Variants in KCTD15 observed in about 807,000 individuals in gnomAD.
KCTD15 encodes the protein potassium channel tetramerization domain containing 15.
A neutral mutation model predicts 27.2 loss-of-function variants in KCTD15; 11 were observed. The ratio of observed to expected loss-of-function variants is 0.41; its 90% CI spans 0.25 to 0.67. KCTD15 has a LOEUF of 0.67. Among genes scored for constraint, KCTD15 ranks in the 30% least tolerant of loss-of-function variants. The pLI is 0.35. For synonymous variants in KCTD15, 163 were observed against 176.0 expected, an observed-to-expected ratio of 0.93 and a Z score of 0.58; for missense variants, 350 against 409.3, an observed-to-expected ratio of 0.86 and a Z score of 1.25.
In KCTD15 at chr19:33,813,045, G is replaced by C; in HGVS notation, c.*97G>C. The C allele has an allele frequency of 1.5e-6, 2 of 1,307,674 alleles. No homozygotes were observed. Among genetic ancestry groups the C allele is most frequent in the South Asian group, 1.3e-5 (1 of 77,600 alleles). 81.0% of individuals were successfully genotyped at this position (1,307,674 alleles called of 1,614,324 possible). ...ACTTGGCCGTGGGCATGAGACCGAG[G>C]GTGAGGCTGGAGGGTCCAAAGCTGG... On this transcript the variant is annotated 3_prime_UTR_variant, in exon 7 of 7. Transcript: ENST00000683859.
rs1362544555 is a variant in KCTD15 at position 33,800,496 on chromosome 19, C to T, written c.42C>T (p.His14=). 1.2e-6 allele frequency: 2 copies of T among 1,603,556 alleles called. No homozygotes were observed. The highest frequency in any genetic ancestry group is 1.7e-6 in the Non-Finnish European group (2 of 1,176,496). The change falls in exon 3 of 7, where the codon CAC becomes CAT. Residue 14 remains histidine, a synonymous_variant. Coordinates refer to ENST00000683859, the MANE Select transcript of KCTD15 (RefSeq NM_001129994.2). ...AGCGGCCGAGCGGGTCCTCGCTTCA[C>T]ACACACGGCAGCACCGGCACCGCGG... ...RKERPSGSSL[H]THGSTGTAEG...
chr19:33,798,727 G>C lies in KCTD15; in HGVS notation c.-67G>C, dbSNP rs896257584. On this transcript the variant is annotated 5_prime_UTR_variant, in exon 2 of 7. Transcript: ENST00000683859. ...GGATGCGCTTGTTGGGAGAAACCTT[G>C]GAGATTCACGGCAAGGCGTAAAGCC... is the stretch of plus-strand genomic sequence containing the variant. 2.6e-5 allele frequency: 4 copies of C among 152,682 alleles called. No homozygotes were observed. Among genetic ancestry groups the C allele is most frequent in the Admixed American group, 2.0e-4 (3 of 15,282 alleles). The allele number at this position is 152,682 out of a possible 1,614,324, so 9.5% of individuals were successfully genotyped here.
chr19:33,797,408 T>A, intron 1 of KCTD15: 2 of 455,398 alleles, frequency 4.4e-6, no homozygotes, highest in Non-Finnish European at 8.8e-6. Flanking sequence ...GGCTTCGGGA[T>A]GCACAAGTCC....
chr19:33,811,915 A>G, intron 6 of KCTD15: 3 of 1,563,876 alleles, frequency 1.9e-6, no homozygotes, highest in Non-Finnish European at 2.6e-6. Context: ...CTGAGTGGAA[A>G]GGTGGTCTGG....
chr19:33,799,674 C>T (rs1437186334), intron 2 of KCTD15: 2 of 152,602 alleles, frequency 1.3e-5, no homozygotes, highest in African/African-American at 4.8e-5. Context: ...TCTGCTTGCT[C>T]TGTGCTTCCT....
chr19:33,811,477 C>T lies in KCTD15; in HGVS notation c.618C>T (p.Asn206=). 2 of 1,612,908 alleles carry T rather than the reference C, an allele frequency of 1.2e-6. No homozygotes were observed. The highest frequency in any genetic ancestry group is 1.7e-6 in the Non-Finnish European group (2 of 1,179,764). Residue 206 remains asparagine, a synonymous_variant, in exon 6 of 7, where the codon AAC becomes AAT. Transcript: ENST00000683859. ...GAGACGTCATGTGCAACTCCGTCAA[C>T]GCCGGCTGGAACCAGGACCCCACGC... The part of the protein sequence containing the change: ...ETGDVMCNSV[N]AGWNQDPTHV...
At chr19:33,812,769 C>A (rs1263991697) in intron 6 of KCTD15, 21 bp from the exon 7 acceptor site, 2 of 1,429,086 alleles carry the variant, frequency 1.4e-6, no homozygotes, top group Non-Finnish European at 1.8e-6. Context: ...GCCTTGATGA[C>A]CTCTGTTTCT....
chr19:33,805,067 T>C (rs915331920), intron 4 of KCTD15, among the ~76,000 whole-genome samples: 1 of 152,084 alleles, frequency 6.6e-6, no homozygotes, highest in Non-Finnish European at 1.5e-5. Context: ...GGACTACAAG[T>C]GCATGCCACC....
At chr19:33,796,754 G>A, upstream of KCTD15, 1 of 133,162 alleles carries the variant, frequency 7.5e-6, no homozygotes, top group South Asian at 2.4e-4. Context: ...GGAGGCGAGG[G>A]GAGGGTGGGG....
intron 6 of KCTD15, 110 bp downstream of exon 6, chr19:33,811,662 C>A (rs781595677): frequency 1.3e-6 from 2 of 1,504,510 alleles, no homozygotes; most frequent in South Asian, 2.5e-5. Flanking sequence ...TGAAGCCCCC[C>A]GTGCCATCCT....
intron 5 of KCTD15, among the ~76,000 whole-genome samples, chr19:33,810,850 C>T (rs1003504964): frequency 6.6e-6 from 1 of 151,894 alleles, no homozygotes; most frequent in Non-Finnish European, 1.5e-5. Context: ...CTAGGCCCGG[C>T]TGCCCTGTGC....
chr19:33,797,271 TGTGTGTGTGTGTGCGCGCGC>T (rs1238429830), intron 1 of KCTD15: 1 of 305,204 alleles, frequency 3.3e-6, no homozygotes, highest in Non-Finnish European at 6.4e-6. Flanking sequence ...TGTGTGTGTG[TGTGTGTGTGTGTGCGCGCGC>T]GCGCGCGCGC....
intron 1 of KCTD15, among the ~76,000 whole-genome samples, 177 bp downstream of exon 1, chr19:33,797,164 A>C (rs1038711789): frequency 6.6e-6 from 1 of 150,934 alleles, no homozygotes; most frequent in Non-Finnish European, 1.5e-5. Context: ...GGCCTGGTGC[A>C]AGAGTGGGGT....
chr19:33,795,046 T>C (rs3810361), upstream of KCTD15, among the ~76,000 whole-genome samples: 80,471 of 152,162 alleles, frequency 0.53, 21,764 homozygotes, highest in Middle Eastern at 0.62. Flanking sequence ...CTTCCAGGGC[T>C]TCTTTCTGTT....
chr19:33,805,937 C>T (rs1298927188), intron 4 of KCTD15, among the ~76,000 whole-genome samples: 1 of 152,230 alleles, frequency 6.6e-6, no homozygotes, highest in African/African-American at 2.4e-5. Context: ...AGACCCTTCT[C>T]CTGGTCTTGC....
intron 5 of KCTD15, 25 bp from the exon 6 acceptor site, chr19:33,811,222 C>G: frequency 2.0e-6 from 2 of 993,524 alleles, no homozygotes; most frequent in Non-Finnish European, 2.7e-6. Context: ...ACACCCACAT[C>G]AACACCCTGT....
chr19:33,810,116 C>T (rs1975843659), intron 5 of KCTD15, among the ~76,000 whole-genome samples: 1 of 152,112 alleles, frequency 6.6e-6, no homozygotes, highest in Non-Finnish European at 1.5e-5. Context: ...GTCATGGGGA[C>T]CTATGGGACC....
At position 33,814,178 on chromosome 19, in the gene KCTD15, TGTC is replaced by T. The variant is rs981758114; in HGVS notation, c.*1233_*1235del. ...TATTGTAAAGATGCTGATGTACAAT[TGTC>T]GTGCATTTGTGTGAACACATTGCGT... On this transcript the variant is annotated 3_prime_UTR_variant, in exon 7 of 7. Coordinates refer to ENST00000683859, the MANE Select transcript of KCTD15 (RefSeq NM_001129994.2). The T allele has an allele frequency of 4.6e-5, 7 of 152,614 alleles. No homozygotes were observed. The highest frequency in any genetic ancestry group is 1.3e-4 in the Admixed American group (2 of 15,282). 9.5% of individuals were successfully genotyped at this position (152,614 alleles called of 1,614,324 possible).
At chr19:33,806,447 C>T (rs1020564769) in intron 4 of KCTD15, among the ~76,000 whole-genome samples, 2 of 151,882 alleles carry the variant, frequency 1.3e-5, no homozygotes, top group South Asian at 2.1e-4. Flanking sequence ...GGCTGTTGGC[C>T]GGGGTGTTGG....
Sources: allele counts gnomAD v4.1 joint callset (sites outside exome capture counted in the v4.1 genomes callset), GRCh38; gene constraint gnomAD v4.1.1; transcripts MANE v1.5; gene names NCBI Gene and HGNC (gene_info 2026-07-23, HGNC 2026-07-21).